The following NVL variants were observed in gnomAD, a reference collection of about 807,000 sequenced individuals.
The protein encoded by NVL is nuclear VCP like, also known as nuclear valosin-containing protein-like.
In NVL, 84 loss-of-function variants were observed where a neutral mutation model predicts 110.2. That is an observed-to-expected ratio of 0.76 (90% CI 0.64 to 0.91). The LOEUF (loss-of-function observed/expected upper bound fraction) is 0.91, where lower values mean the gene tolerates loss of function less well. NVL is among the 40% of genes least tolerant of loss of function. The pLI, the probability that NVL is intolerant of heterozygous loss-of-function variation, is 0.00. For missense variants in NVL, 882 were observed against 1,035.9 expected, an observed-to-expected ratio of 0.85 and a Z score of 2.04; for synonymous variants, 354 against 361.1, an observed-to-expected ratio of 0.98 and a Z score of 0.22.
intron 15 of NVL, among the ~76,000 whole-genome samples, chr1:224,285,361 G>A (rs1028719774): frequency 1.3e-5 from 2 of 152,292 alleles, no homozygotes; most frequent in African/African-American, 4.8e-5. Context: ...ATTGAACTCG[G>A]GAGGCGGAAG....
At chr1:224,239,513 T>C (rs1446347963) in intron 19 of NVL, among the ~76,000 whole-genome samples, 7 of 152,124 alleles carry the variant, frequency 4.6e-5, no homozygotes, top group Admixed American at 4.6e-4. Context: ...TAAGAACCTA[T>C]CAACTTACCT....
At chr1:224,267,064 T>C (rs757637523) in intron 18 of NVL, among the ~76,000 whole-genome samples, 12 of 152,200 alleles carry the variant, frequency 7.9e-5, no homozygotes, top group Non-Finnish European at 1.0e-4. Flanking sequence ...AATATCTTTG[T>C]TGAGCTAATG....
rs781532764 is a variant in NVL at position 224,330,073 on chromosome 1, G to C, written c.55C>G (p.Gln19Glu). 4 of 1,613,992 alleles carry C rather than the reference G, an allele frequency of 2.5e-6. No homozygotes were observed. The highest frequency in any genetic ancestry group is 3.4e-6 in the Non-Finnish European group (4 of 1,179,986). ...VDNKLKQRVI[Q>E]YLTSNKCGKY... ...GCCAAGCGGTGCAGAATACACACCTGGATGACTCGCTGCTTGAGTTTATTA... is the reference window on the plus strand; with the variant it reads ...GCCAAGCGGTGCAGAATACACACCTCGATGACTCGCTGCTTGAGTTTATTA... Residue 19 changes from glutamine (Q) to glutamate (E), a missense_variant and splice_region_variant, in exon 1 of 23, where the codon CAG (glutamine) becomes GAG (glutamate). Physicochemically the swap from Gln to Glu is conservative, Grantham distance 29. Coordinates refer to ENST00000281701, the MANE Select transcript of NVL (RefSeq NM_002533.4).
chr1:224,281,787 T>C (rs1184564211), intron 15 of NVL, among the ~76,000 whole-genome samples: 2 of 151,302 alleles, frequency 1.3e-5, no homozygotes, highest in African/African-American at 4.8e-5. Context: ...ACCCCATCTC[T>C]ACTAAAAACA....
In NVL at chr1:224,275,439, C is replaced by T. The variant is rs759203303; in HGVS notation, c.1982G>A (p.Arg661His). The T allele has an allele frequency of 3.7e-6, 6 of 1,614,054 alleles. No homozygotes were observed. The highest frequency in any genetic ancestry group is 1.7e-5 in the Admixed American group (1 of 60,016). The change falls in exon 17 of 23, where the codon CGT becomes CAT. Residue 661 changes from arginine (R) to histidine (H), a missense_variant. By Grantham distance (29) the Arg-to-His change is conservative. Around this residue, in one of 4 missense-constraint regions of NVL, gnomAD observed 66 missense variants for 127.5 expected, o/e 0.52. Transcript: ENST00000281701. ...LLNMYVGESE[R>H]AVRQVFQRAK... The stretch of plus-strand genomic sequence containing the variant: ...TCGTTGAAAAACTTGTCGCACAGCA[C>T]GTTCACTCTCACCAACATACTAAAC...
Position 224,304,760 on chromosome 1 carries a change from C to T in NVL, c.801G>A (p.Val267=). The change falls in exon 8 of 23, where the codon GTG becomes GTA. Residue 267 remains valine, a synonymous_variant. Transcript: ENST00000281701. Reference sequence around the variant, plus strand: ...CTTTTAATGTCATATCATTGCCTCCCACATCTTCAAACTTCACGTTGGAGA... The same window carrying T: ...CTTTTAATGTCATATCATTGCCTCCTACATCTTCAAACTTCACGTTGGAGA... The part of the protein sequence containing the change: ...FQISNVKFED[V]GGNDMTLKEV... 1.5e-5 allele frequency: 25 copies of T among 1,613,992 alleles called. No homozygotes were observed. Among genetic ancestry groups the T allele is most frequent in the Non-Finnish European group, 2.0e-5 (24 of 1,179,944 alleles).
intron 15 of NVL, 121 bp from the exon 16 acceptor site, chr1:224,281,306 T>TGC: frequency 1.3e-6 from 1 of 790,580 alleles, no homozygotes; most frequent in Non-Finnish European, 2.1e-6. Context: ...TGTGTGTGTG[T>TGC]GTGTGTGAGA....
At chr1:224,317,339 C>T (rs968953139) in intron 4 of NVL, among the ~76,000 whole-genome samples, 2 of 151,976 alleles carry the variant, frequency 1.3e-5, no homozygotes, top group African/African-American at 4.8e-5. Flanking sequence ...AATTTCAATG[C>T]CGTATGATAT....
chr1:224,241,018 T>C (rs1186667891), intron 19 of NVL, among the ~76,000 whole-genome samples: 1 of 152,056 alleles, frequency 6.6e-6, no homozygotes, highest in Non-Finnish European at 1.5e-5. Flanking sequence ...CTCAAACTCC[T>C]GACCTGGTGA....
chr1:224,281,041 G>C, intron 16 of NVL, 82 bp downstream of exon 16: 1 of 1,244,928 alleles, frequency 8.0e-7, no homozygotes. Context: ...ATTGCTGAAA[G>C]ATCTGAGAAC....
chr1:224,275,406 T>C lies in NVL; in HGVS notation c.2015A>G (p.Asn672Ser). ...AAAGAATATCACACAGGGTGCTGAG[T>C]TCTTGGCTCGTTGAAAAACTTGTCG... ...AVRQVFQRAK[N>S]SAPCVIFFDE... The change falls in exon 17 of 23, where the codon AAC becomes AGC. Residue 672 changes from asparagine to serine, a missense_variant. Asn to Ser is a conservative substitution (Grantham distance 46). Around this residue, in one of 4 missense-constraint regions of NVL, gnomAD observed 66 missense variants for 127.5 expected, o/e 0.52. Transcript: ENST00000281701. 6.2e-7 allele frequency: 1 copy of C among 1,614,194 alleles called. No homozygotes were observed. The highest frequency in any genetic ancestry group is 8.5e-7 in the Non-Finnish European group (1 of 1,180,028).
chr1:224,266,132 T>C (rs1333377418), intron 18 of NVL, among the ~76,000 whole-genome samples: 1 of 152,196 alleles, frequency 6.6e-6, no homozygotes. Context: ...CTCCTCACTT[T>C]AAAAAGGATG....
At chr1:224,325,241 G>A (rs866525256) in intron 2 of NVL, among the ~76,000 whole-genome samples, 9 of 148,854 alleles carry the variant, frequency 6.0e-5, no homozygotes, top group Admixed American at 1.3e-4. Flanking sequence ...CAGCCTGGGC[G>A]ACAGAGCAAG....
chr1:224,231,187 C>G (rs1009194341), intron 22 of NVL, 39 bp downstream of exon 22: 2 of 1,382,260 alleles, frequency 1.4e-6, no homozygotes, highest in Non-Finnish European at 2.0e-6. Flanking sequence ...GTCTAAAATT[C>G]TAGTTTCCTT....
chr1:224,280,167 C>T (rs1666177808), intron 16 of NVL, among the ~76,000 whole-genome samples: 2 of 142,792 alleles, frequency 1.4e-5, no homozygotes, highest in Non-Finnish European at 1.5e-5. Context: ...AAGTGTACTG[C>T]TGTTTTTTTT....
chr1:224,269,476 G>A (rs1664834839), intron 17 of NVL, among the ~76,000 whole-genome samples: 1 of 152,150 alleles, frequency 6.6e-6, no homozygotes, highest in Non-Finnish European at 1.5e-5. Context: ...ACACATACAA[G>A]AGTATCTGGG....
Position 224,227,572 on chromosome 1 carries a change from G to A in NVL, c.*54C>T. On this transcript the variant is annotated 3_prime_UTR_variant, in exon 23 of 23. Transcript: ENST00000281701. ...AAAGTGGGTCCTTCAGAGCGTGTGGGGGATTCTCTGCCGGCTTGATGGGCT... is the reference window on the plus strand; with the variant it reads ...AAAGTGGGTCCTTCAGAGCGTGTGGAGGATTCTCTGCCGGCTTGATGGGCT... 1 of 1,557,206 alleles carries A rather than the reference G, an allele frequency of 6.4e-7. No individual in the cohort carries two copies. Among genetic ancestry groups the A allele is most frequent in the South Asian group, 1.1e-5 (1 of 88,062 alleles).
At chr1:224,327,221 T>C (rs1474178786) in intron 1 of NVL, among the ~76,000 whole-genome samples, 2 of 151,946 alleles carry the variant, frequency 1.3e-5, no homozygotes, top group South Asian at 2.1e-4. Context: ...GGCGGGAGGA[T>C]TGCTTCAGTC....
rs61825630 is a variant in NVL, at chr1:224,288,012, G to A, written c.1576-19C>T. 2 of 1,578,132 alleles carry A rather than the reference G, an allele frequency of 1.3e-6. No homozygotes were observed. The highest frequency in any genetic ancestry group is 1.1e-5 in the South Asian group (1 of 89,376). The stretch of plus-strand genomic sequence containing the variant: ...ATTCATCCTTGAAGGGAACAATAGA[G>A]GGGAAAAAAATAAAGAAACACCACA... On this transcript the variant is annotated intron_variant, in intron 13 of 22. Coordinates refer to ENST00000281701, the MANE Select transcript of NVL (RefSeq NM_002533.4).
Sources: allele counts gnomAD v4.1 joint callset (sites outside exome capture counted in the v4.1 genomes callset), GRCh38; gene constraint gnomAD v4.1.1; regional missense constraint gnomAD v4.1.1; transcripts MANE v1.5; gene names NCBI Gene and HGNC (gene_info 2026-07-23, HGNC 2026-07-21).